CCDC198: variants seen among roughly 807,000 people sequenced by gnomAD.
CCDC198 encodes factor associated with metabolism and energy.
Under a neutral mutation model 35.6 loss-of-function variants are expected in CCDC198, and 18 were observed. The ratio of observed to expected loss-of-function variants is 0.51; its 90% confidence interval spans 0.35 to 0.75. The LOEUF (loss-of-function observed/expected upper bound fraction) is 0.75, where lower values mean the gene tolerates loss of function less well. CCDC198 is among the 30% of genes least tolerant of loss of function. The pLI is 0.01. For missense variants in CCDC198, 365 were observed against 343.7 expected, an observed-to-expected ratio of 1.06 and a Z score of -0.49; for synonymous variants, 119 against 113.4, an observed-to-expected ratio of 1.05 and a Z score of -0.31.
chr14:57,481,745 G>C (rs2067195455), intron 3 of CCDC198, 85 bp from the exon 4 acceptor site: 1 of 852,600 alleles, frequency 1.2e-6, no homozygotes, highest in South Asian at 1.5e-5. Flanking sequence ...TTGAAACAGA[G>C]TCAGATCTTA....
intron 3 of CCDC198, 141 bp downstream of exon 3, chr14:57,482,924 C>G: frequency 8.4e-7 from 1 of 1,185,670 alleles, no homozygotes. Flanking sequence ...AAAGTTCTCA[C>G]TCTGAATGAC....
intron 5 of CCDC198, among the ~76,000 whole-genome samples, chr14:57,473,819 C>A (rs1199288170): frequency 6.6e-6 from 1 of 152,196 alleles, no homozygotes; most frequent in East Asian, 1.9e-4. Context: ...GCTTACAAAA[C>A]CCTGTGTGAT....
chr14:57,478,678 T>A, intron 5 of CCDC198: 14 of 998,272 alleles, frequency 1.4e-5, no homozygotes, highest in Non-Finnish European at 1.6e-5. Context: ...TGTGTATATT[T>A]TTTAAGGTAC....
At chr14:57,480,147 G>T in intron 5 of CCDC198, 1 of 399,616 alleles carries the variant, frequency 2.5e-6, no homozygotes, top group Non-Finnish European at 3.4e-6. Flanking sequence ...TAGAAATTCT[G>T]AATGTGCCAA....
Position 57,469,593 on chromosome 14 carries a change from ATCCTC to A in CCDC198, c.*1757_*1761del, listed in dbSNP as rs1277690463. The A allele has an allele frequency of 6.6e-6, 1 of 152,234 alleles. No homozygotes were observed. The highest frequency in any genetic ancestry group is 2.4e-5 in the African/African-American group (1 of 41,462). 9.4% of individuals were successfully genotyped at this position (152,234 alleles called of 1,614,324 possible). ...CACCATGAATAGGTTGGATTTGTTT[ATCCTC>A]TCAAGGATCTCATTTTTTCTAGAAA... is the stretch of plus-strand genomic sequence containing the variant. On this transcript the variant is annotated 3_prime_UTR_variant, in exon 6 of 6. Transcript: ENST00000216445.
chr14:57,490,880 T>C, intron 2 of CCDC198, 109 bp downstream of exon 2: 1 of 1,028,688 alleles, frequency 9.7e-7, no homozygotes, highest in Non-Finnish European at 1.4e-6. Context: ...AACATTCTCA[T>C]TAATAGCTTG....
At chr14:57,483,595 G>A (rs2067259104) in intron 2 of CCDC198, among the ~76,000 whole-genome samples, 1 of 152,210 alleles carries the variant, frequency 6.6e-6, no homozygotes, top group African/African-American at 2.4e-5. Context: ...AAGCTCCTTA[G>A]TAGTAATCAC....
In CCDC198 at chr14:57,470,211, AC is replaced by A. The variant is rs2066791450; in HGVS notation, c.*1143del. On this transcript the variant is annotated 3_prime_UTR_variant, in exon 6 of 6. Coordinates refer to ENST00000216445, the MANE Select transcript of CCDC198 (RefSeq NM_018168.4). Reference sequence around the variant, plus strand: ...ACGTGTATCCTGTAGGCTCTCTGTTACGGTTAGCTCACTAGAAAGTGACCTA... The same window carrying A: ...ACGTGTATCCTGTAGGCTCTCTGTTAGGTTAGCTCACTAGAAAGTGACCTA... The A allele has an allele frequency of 6.6e-6, 1 of 152,324 alleles. No individual in the cohort carries two copies. Among genetic ancestry groups the A allele is most frequent in the Non-Finnish European group, 1.5e-5 (1 of 68,022 alleles). The allele number at this position is 152,324 out of a possible 1,614,324, so 9.4% of individuals were successfully genotyped here.
intron 5 of CCDC198, among the ~76,000 whole-genome samples, chr14:57,476,859 G>T (rs2067014368): frequency 6.6e-6 from 1 of 152,196 alleles, no homozygotes; most frequent in South Asian, 2.1e-4. Context: ...ATTTGTAGGA[G>T]AAAGCGAACT....
intron 5 of CCDC198, among the ~76,000 whole-genome samples, chr14:57,476,177 A>G (rs1343973789): frequency 6.6e-6 from 1 of 151,694 alleles, no homozygotes; most frequent in Non-Finnish European, 1.5e-5. Context: ...ATGGTATACA[A>G]TAACTTTATT....
intron 5 of CCDC198, among the ~76,000 whole-genome samples, chr14:57,473,070 A>T (rs1354388634): frequency 1.3e-5 from 2 of 152,230 alleles, no homozygotes; most frequent in Non-Finnish European, 2.9e-5. Context: ...AAACTACTTT[A>T]TTGAACTAAG....
intron 2 of CCDC198, among the ~76,000 whole-genome samples, chr14:57,490,298 A>T (rs1004594001): frequency 6.6e-6 from 1 of 152,204 alleles, no homozygotes; most frequent in African/African-American, 2.4e-5. Context: ...GAGAGTTCTT[A>T]AAATGTATAG....
chr14:57,480,128 G>C, intron 5 of CCDC198: 1 of 289,490 alleles, frequency 3.5e-6, no homozygotes, highest in Non-Finnish European at 5.2e-6. Context: ...GTTGGGCAGT[G>C]ATTCATTCTA....
At chr14:57,486,518 A>G (rs141223899) in intron 2 of CCDC198, among the ~76,000 whole-genome samples, 1 of 152,014 alleles carries the variant, frequency 6.6e-6, no homozygotes, top group East Asian at 1.9e-4. Flanking sequence ...AGAGATTGAG[A>G]TTCAACAGGT....
chr14:57,478,567 C>T (rs2067078239), intron 5 of CCDC198: 1 of 987,602 alleles, frequency 1.0e-6, no homozygotes. Flanking sequence ...AGGTCTGAGA[C>T]ATCTTCCAGG....
At position 57,484,483 on chromosome 14, in the gene CCDC198, C is replaced by T. The variant is rs560356287; in HGVS notation, c.307-1332G>A. Reference sequence around the variant, plus strand: ...GAACCAACCCTATGGACACCTTGATCTCAGTCTTCTAGCAAACTAAGGCAG... The same window carrying T: ...GAACCAACCCTATGGACACCTTGATTTCAGTCTTCTAGCAAACTAAGGCAG... On this transcript the variant is annotated intron_variant, in intron 2 of 5. Transcript: ENST00000216445. Among the ~76,000 whole-genome samples, 9 of 152,284 alleles carry T rather than the reference C, an allele frequency of 5.9e-5. No homozygotes were observed. In the South Asian group the frequency reaches 1.9e-3, roughly 32 times the overall value.
chr14:57,486,379 G>C (rs554674614), intron 2 of CCDC198, among the ~76,000 whole-genome samples: 3 of 152,100 alleles, frequency 2.0e-5, no homozygotes, highest in African/African-American at 7.2e-5. Context: ...GGCATCTCCA[G>C]GATTTAAGCG....
In CCDC198 at chr14:57,470,499, T is replaced by G. The variant is rs1363704712; in HGVS notation, c.*856A>C. On this transcript the variant is annotated 3_prime_UTR_variant, in exon 6 of 6. Transcript: ENST00000216445. ...GATTACAGACGAATGCCACCATGTCTGGCTAATTTTTGTATTTTAGTAGAG... is the reference window on the plus strand; with the variant it reads ...GATTACAGACGAATGCCACCATGTCGGGCTAATTTTTGTATTTTAGTAGAG... The G allele has an allele frequency of 6.6e-6, 1 of 152,148 alleles. No individual in the cohort carries two copies. The highest frequency in any genetic ancestry group is 1.5e-5 in the Non-Finnish European group (1 of 68,026). 9.4% of individuals were successfully genotyped at this position (152,148 alleles called of 1,614,324 possible).
At chr14:57,478,954 G>A (rs987496247) in intron 5 of CCDC198, 1 of 1,288,620 alleles carries the variant, frequency 7.8e-7, no homozygotes, top group African/African-American at 1.5e-5. Context: ...TCCTGCTGAT[G>A]TGGGGATTTG....
Sources: allele counts gnomAD v4.1 joint callset (sites outside exome capture counted in the v4.1 genomes callset), GRCh38; gene constraint gnomAD v4.1.1; transcripts MANE v1.5; gene names NCBI Gene and HGNC (gene_info 2026-07-23, HGNC 2026-07-21).